SYK: variants seen among roughly 807,000 people sequenced by gnomAD.
The protein encoded by SYK is tyrosine-protein kinase SYK.
In SYK, 16 loss-of-function variants were observed where a neutral mutation model predicts 77.8. The ratio of observed to expected loss-of-function variants is 0.21; its 90% confidence interval spans 0.14 to 0.31. SYK has a LOEUF of 0.31. Among genes scored for constraint, SYK ranks in the 10% least tolerant of loss-of-function variants. The pLI is 1.00. For missense variants in SYK, 529 were observed against 814.4 expected (o/e 0.65, Z 4.26); for synonymous variants, 312 against 308.7 (o/e 1.01, Z -0.11).
At chr9:90,832,816 ATTAC>A (rs1428328315) in intron 1 of SYK, among the ~76,000 whole-genome samples, 1 of 152,230 alleles carries the variant, frequency 6.6e-6, no homozygotes, top group Non-Finnish European at 1.5e-5. Context: ...AACAACAATA[ATTAC>A]TTATTATTGC....
At chr9:90,808,606 G>A (rs1824942631) in intron 1 of SYK, among the ~76,000 whole-genome samples, 1 of 152,024 alleles carries the variant, frequency 6.6e-6, no homozygotes, top group African/African-American at 2.4e-5. Context: ...GTGTGTGGGT[G>A]GCAGGAACTC....
intron 9 of SYK, among the ~76,000 whole-genome samples, chr9:90,875,667 A>C (rs1173063604): frequency 6.6e-6 from 1 of 152,206 alleles, no homozygotes; most frequent in Non-Finnish European, 1.5e-5. Context: ...TGATTAGTAT[A>C]ATTATTTATT....
intron 11 of SYK, among the ~76,000 whole-genome samples, chr9:90,881,288 A>C (rs1278968226): frequency 1.3e-5 from 2 of 152,254 alleles, no homozygotes; most frequent in Non-Finnish European, 2.9e-5. Context: ...CTAGGGAAAT[A>C]AAAGCCATCT....
chr9:90,882,814 G>A (rs1828209674), intron 11 of SYK, among the ~76,000 whole-genome samples: 1 of 152,194 alleles, frequency 6.6e-6, no homozygotes, highest in Admixed American at 6.5e-5. Flanking sequence ...GGGAAACAAG[G>A]CAGCCTGCTT....
At chr9:90,846,421 G>A (rs1826597972) in intron 3 of SYK, among the ~76,000 whole-genome samples, 1 of 152,162 alleles carries the variant, frequency 6.6e-6, no homozygotes, top group Non-Finnish European at 1.5e-5. Flanking sequence ...AGCCGACTTC[G>A]TAAACTTTTC....
At chr9:90,858,008 G>A (rs550999267) in intron 3 of SYK, among the ~76,000 whole-genome samples, 8 of 152,302 alleles carry the variant, frequency 5.3e-5, no homozygotes, top group East Asian at 1.9e-4. Context: ...TTTCTGTTCC[G>A]TCTACAGCAG....
At chr9:90,840,535 G>A (rs981088351) in intron 1 of SYK, among the ~76,000 whole-genome samples, 1 of 147,704 alleles carries the variant, frequency 6.8e-6, no homozygotes. Context: ...TGGCTAATGC[G>A]GTGAAACCCC....
chr9:90,824,718 T>C (rs999086651), intron 1 of SYK, among the ~76,000 whole-genome samples: 53 of 151,252 alleles, frequency 3.5e-4, no homozygotes, highest in African/African-American at 1.0e-3. Flanking sequence ...AGAGGAAAAC[T>C]TTTGTAACTT....
At chr9:90,836,182 G>T (rs1257235439) in intron 1 of SYK, among the ~76,000 whole-genome samples, 1 of 151,970 alleles carries the variant, frequency 6.6e-6, no homozygotes, top group Non-Finnish European at 1.5e-5. Flanking sequence ...AGCTACTTGG[G>T]AGGCTGAGGC....
intron 11 of SYK, among the ~76,000 whole-genome samples, chr9:90,884,983 A>C (rs1477769883): frequency 7.7e-6 from 1 of 130,272 alleles, no homozygotes; most frequent in Non-Finnish European, 1.7e-5. Flanking sequence ...ATATATACCC[A>C]ACATATATAT....
Position 90,878,845 on chromosome 9 carries a change from G to A in SYK, c.1473G>A (p.Val491=). The part of the protein sequence containing the change: ...GMKYLEESNF[V]HRDLAARNVL... ...AGTACTTGGAGGAGAGCAATTTTGT[G>A]CACAGAGATCTGGCTGCAAGAAATG... Residue 491 remains valine (V), a synonymous_variant, in exon 11 of 14, where the codon GTG becomes GTA. Transcript: ENST00000375754. The A allele has an allele frequency of 1.2e-6, 2 of 1,614,214 alleles. No homozygotes were observed. Among genetic ancestry groups the A allele is most frequent in the Non-Finnish European group, 1.7e-6 (2 of 1,180,018 alleles).
chr9:90,851,956 A>G (rs1397332914), intron 3 of SYK, among the ~76,000 whole-genome samples: 1 of 152,224 alleles, frequency 6.6e-6, no homozygotes, highest in Non-Finnish European at 1.5e-5. Flanking sequence ...AAGGCTGGTC[A>G]ATACTACAAG....
In SYK at chr9:90,862,266, G is replaced by A. The variant is rs1827298613; in HGVS notation, c.639G>A (p.Val213=). 3.1e-6 allele frequency: 5 copies of A among 1,614,170 alleles called. No individual in the cohort carries two copies. Among genetic ancestry groups the A allele is most frequent in the Non-Finnish European group, 4.2e-6 (5 of 1,180,010 alleles). ...TGTGCCTGCTGCACGAAGGGAAGGT[G>A]CTGCACTATCGCATCGACAAAGACA... ...YALCLLHEGK[V]LHYRIDKDKT... is the part of the protein sequence containing the mutation. Residue 213 remains valine, a synonymous_variant, in exon 4 of 14, where the codon GTG becomes GTA. Coordinates refer to ENST00000375754, the MANE Select transcript of SYK (RefSeq NM_003177.7).
chr9:90,867,248 G>T, intron 7 of SYK, 49 bp downstream of exon 7: 1 of 1,583,000 alleles, frequency 6.3e-7, no homozygotes, highest in Non-Finnish European at 8.7e-7. Flanking sequence ...TAGGACCAAC[G>T]CGCACTCAGC....
chr9:90,845,721 C>A, intron 3 of SYK, 127 bp downstream of exon 3: 1 of 1,084,266 alleles, frequency 9.2e-7, no homozygotes, highest in Non-Finnish European at 1.3e-6. Flanking sequence ...CATTTGACAA[C>A]ATGCATGCTG....
At chr9:90,839,381 AGTGCAG>A (rs1826209036) in intron 1 of SYK, among the ~76,000 whole-genome samples, 1 of 152,164 alleles carries the variant, frequency 6.6e-6, no homozygotes, top group Non-Finnish European at 1.5e-5. Context: ...GCTGACACTG[AGTGCAG>A]CACATTCTTC....
rs200362424 is a variant in SYK at position 90,844,129 on chromosome 9, C to A, written c.231C>A (p.Ala77=). The A allele has an allele frequency of 6.2e-7, 1 of 1,613,920 alleles. No individual in the cohort carries two copies. The highest frequency in any genetic ancestry group is 1.7e-5 in the Admixed American group (1 of 60,006). Residue 77 remains alanine, a synonymous_variant, in exon 2 of 14, where the codon GCC becomes GCA. Transcript: ENST00000375754. ...AGCTGAATGGCACCTACGCCATCGC[C>A]GGTGGCAGGACCCATGCCAGCCCCG... The part of the protein sequence containing the change: ...ERELNGTYAI[A]GGRTHASPAD...
chr9:90,888,425 T>C (rs1471421914), intron 12 of SYK, 90 bp from the exon 13 acceptor site: 2 of 867,598 alleles, frequency 2.3e-6, no homozygotes, highest in Non-Finnish European at 3.5e-6. Flanking sequence ...ATACAATGTG[T>C]ACTCCTTCAT....
At chr9:90,804,809 TC>T (rs377069492) in intron 1 of SYK, among the ~76,000 whole-genome samples, 108 of 152,344 alleles carry the variant, frequency 7.1e-4, no homozygotes, top group African/African-American at 2.3e-3. Context: ...AAAAGGGTTT[TC>T]TACTGAGGGA....
Sources: gnomAD v4.1 joint callset for allele counts (sites outside exome capture counted in the v4.1 genomes callset) on GRCh38, gnomAD v4.1.1 for gene constraint, MANE v1.5 for transcripts, NCBI Gene and HGNC (gene_info 2026-07-23, HGNC 2026-07-21) for gene names.